Variants in BRIP1 observed in about 807,000 individuals in gnomAD.
BRIP1 encodes the protein BRCA1 interacting DNA helicase 1, also known as Fanconi anemia group J protein.
Under a neutral mutation model 119.7 loss-of-function variants are expected in BRIP1, and 88 were observed. The observed-to-expected ratio is 0.74, with a 90% confidence interval of 0.62 to 0.88. The LOEUF (loss-of-function observed/expected upper bound fraction) is 0.88. BRIP1 is among the 40% of genes least tolerant of loss of function. The probability of loss-of-function intolerance (pLI) is 0.00; values close to 1 mark genes in which losing one functional copy is unlikely to be tolerated. For synonymous variants in BRIP1, 443 were observed against 496.5 expected, an observed-to-expected ratio of 0.89 and a Z score of 1.43; for missense variants, 1,259 against 1,455.4, an observed-to-expected ratio of 0.87 and a Z score of 2.20.
rs1020441531 is a variant in BRIP1, at chr17:61,700,037, G to A, written c.2493-6525C>T. 1.3e-5 allele frequency among the ~76,000 whole-genome samples: 2 copies of A among 152,132 alleles called. No homozygotes were observed. The highest frequency in any genetic ancestry group is 4.8e-5 in the African/African-American group (2 of 41,438). On this transcript the variant is annotated intron_variant, in intron 17 of 19. Coordinates refer to ENST00000259008, the MANE Select transcript of BRIP1 (RefSeq NM_032043.3). This position sits in a 1 kb window ranked among gnomAD's most constrained non-coding sequence, Gnocchi z 4.1. ...ATGCACATGTTTTGTTCTCTTTGCT[G>A]ACTGTGCTTGGTGTCGTTTCACTGT... is the stretch of plus-strand genomic sequence containing the variant.
In BRIP1 at chr17:61,851,233, A is replaced by T. The variant is rs2078818047; in HGVS notation, c.380-1977T>A. Reference sequence around the variant, plus strand: ...ACAGAACGAGACTCCATCTCAAAAAAAGAAAAAAAAAGAAATGTTGCTTAA... The same window carrying T: ...ACAGAACGAGACTCCATCTCAAAAATAGAAAAAAAAAGAAATGTTGCTTAA... On this transcript the variant is annotated intron_variant, in intron 4 of 19. Transcript: ENST00000259008. This position sits in a 1 kb window ranked among gnomAD's most constrained non-coding sequence, Gnocchi z 4.6. 6.6e-6 allele frequency among the ~76,000 whole-genome samples: 1 copy of T among 152,184 alleles called. No homozygotes were observed. Among genetic ancestry groups the T allele is most frequent in the African/African-American group, 2.4e-5 (1 of 41,450 alleles).
rs1262969964 is a variant in BRIP1, at chr17:61,767,346, A to G, written c.2097+9055T>C. 6.6e-6 allele frequency among the ~76,000 whole-genome samples: 1 copy of G among 152,084 alleles called. No homozygotes were observed. Among genetic ancestry groups the G allele is most frequent in the East Asian group, 1.9e-4 (1 of 5,186 alleles). ...AGCTGGAGTGCAGTGGTGTGATCAC[A>G]GCTCACTGCAGCCTCAAACTTCTGG... On this transcript the variant is annotated intron_variant, in intron 14 of 19. Transcript: ENST00000259008. This position sits in a 1 kb window ranked among gnomAD's most constrained non-coding sequence, Gnocchi z 5.7.
rs1388477562 is a variant in BRIP1 at position 61,695,722 on chromosome 17, C to T, written c.2493-2210G>A. 6.6e-6 allele frequency among the ~76,000 whole-genome samples: 1 copy of T among 151,920 alleles called. No individual in the cohort carries two copies. Among genetic ancestry groups the T allele is most frequent in the African/African-American group, 2.4e-5 (1 of 41,384 alleles). On this transcript the variant is annotated intron_variant, in intron 17 of 19. Coordinates refer to ENST00000259008, the MANE Select transcript of BRIP1 (RefSeq NM_032043.3). The surrounding 1 kb of genome is among the most constrained non-coding windows in gnomAD (Gnocchi z 4.3). ...AGTTAAGTATATTTCTAAGTATTTT[C>T]TTCTTTCTGATGTTATTTTAAATGG...
intron 16 of BRIP1, among the ~76,000 whole-genome samples, chr17:61,721,670 A>G (rs1203945582): frequency 6.7e-6 from 1 of 149,510 alleles, no homozygotes; most frequent in Non-Finnish European, 1.5e-5. Context: ...TATAAAGGAC[A>G]TATAAAGGAC....
At position 61,738,667 on chromosome 17, in the gene BRIP1, T is replaced by C. The variant is rs1383415086; in HGVS notation, c.2379+4346A>G. 6.6e-6 allele frequency among the ~76,000 whole-genome samples: 1 copy of C among 152,128 alleles called. No individual in the cohort carries two copies. The highest frequency in any genetic ancestry group is 2.4e-5 in the African/African-American group (1 of 41,414). The stretch of plus-strand genomic sequence containing the variant: ...ATTGGTATAATAACAATGTTCAAAA[T>C]CATAGCTGTTGAGGCAAAGGTGGAG... On this transcript the variant is annotated intron_variant, in intron 16 of 19. Transcript: ENST00000259008. This position sits in a 1 kb window ranked among gnomAD's most constrained non-coding sequence, Gnocchi z 4.2.
At position 61,776,863 on chromosome 17, in the gene BRIP1, G is replaced by C. The variant is rs2077542978; in HGVS notation, c.1936-301C>G. The stretch of plus-strand genomic sequence containing the variant: ...TAAGCATGTAACAAATTTTTGTTAG[G>C]TGAATAAATGAACAAGTGAAATGAT... On this transcript the variant is annotated intron_variant, in intron 13 of 19. Transcript: ENST00000259008. The surrounding 1 kb of genome is among the most constrained non-coding windows in gnomAD (Gnocchi z 5.0). 6.6e-6 allele frequency among the ~76,000 whole-genome samples: 1 copy of C among 152,132 alleles called. No individual in the cohort carries two copies. The highest frequency in any genetic ancestry group is 6.5e-5 in the Admixed American group (1 of 15,268).
In BRIP1 at chr17:61,780,191, T is replaced by C. The variant is rs1603332813; in HGVS notation, c.1935+70A>G. ...ACTTGCTGGCACTTCAGGTATCTTCTAACTTGTTTACATAGTTATATTGAA... is the reference window on the plus strand; with the variant it reads ...ACTTGCTGGCACTTCAGGTATCTTCCAACTTGTTTACATAGTTATATTGAA... On this transcript the variant is annotated intron_variant, in intron 13 of 19. Transcript: ENST00000259008. This position sits in a 1 kb window ranked among gnomAD's most constrained non-coding sequence, Gnocchi z 5.4. 2.7e-6 allele frequency: 4 copies of C among 1,501,120 alleles called. No individual in the cohort carries two copies. In the East Asian group the frequency reaches 9.1e-5, roughly 34 times the overall value. The allele number at this position is 1,501,120 out of a possible 1,614,324, so 93.0% of individuals were successfully genotyped here.
chr17:61,751,941 G>A lies in BRIP1; in HGVS notation c.2098-7350C>T, dbSNP rs1482534384. ...ACACCACCACACCTGACTAATTTTTGTATTTTTAGTAGAGACGGGGTTTCA... is the reference window on the plus strand; with the variant it reads ...ACACCACCACACCTGACTAATTTTTATATTTTTAGTAGAGACGGGGTTTCA... On this transcript the variant is annotated intron_variant, in intron 14 of 19. Transcript: ENST00000259008. This position sits in a 1 kb window ranked among gnomAD's most constrained non-coding sequence, Gnocchi z 6.7. Among the ~76,000 whole-genome samples the A allele has an allele frequency of 6.6e-6, 1 of 151,998 alleles. No homozygotes were observed. The highest frequency in any genetic ancestry group is 1.5e-5 in the Non-Finnish European group (1 of 67,982).
In BRIP1 at chr17:61,776,286, T is replaced by A. The variant is rs1182357848; in HGVS notation, c.2097+115A>T. ...GTGATGTTTAGAAAACTATAGTTAT[T>A]ACCTTGTTGCCTCTACCCTAGGAAG... On this transcript the variant is annotated intron_variant, in intron 14 of 19. Transcript: ENST00000259008. The surrounding 1 kb of genome is among the most constrained non-coding windows in gnomAD (Gnocchi z 5.0). 1.5e-5 allele frequency: 17 copies of A among 1,121,932 alleles called. No homozygotes were observed. The highest frequency in any genetic ancestry group is 1.9e-5 in the Non-Finnish European group (14 of 751,792). The allele number at this position is 1,121,932 out of a possible 1,614,324, so 69.5% of individuals were successfully genotyped here.
intron 17 of BRIP1, among the ~76,000 whole-genome samples, chr17:61,702,779 T>C (rs2061633680): frequency 1.3e-5 from 2 of 152,218 alleles, no homozygotes; most frequent in Non-Finnish European, 2.9e-5. Flanking sequence ...CAGATACATA[T>C]GTCTTTATGG....
At chr17:61,826,731 T>TAAAAAAAAAA (rs58466965) in intron 6 of BRIP1, among the ~76,000 whole-genome samples, 5 of 75,318 alleles carry the variant, frequency 6.6e-5, no homozygotes, top group African/African-American at 1.9e-4. Flanking sequence ...TATTAAAAAG[T>TAAAAAAAAAA]AAAAAAAAAA....
In BRIP1 at chr17:61,756,540, T is replaced by A. The variant is rs6504068; in HGVS notation, c.2098-11949A>T. 0.79 allele frequency among the ~76,000 whole-genome samples: 120,143 copies of A among 152,036 alleles called. 48,136 individuals are homozygous for A. The highest frequency in any genetic ancestry group is 0.89 in the African/African-American group (37,013 of 41,502). ...TGTTAACCTCAGAGGCAATTTTTTT[T>A]AAAGTCAGATCTCACAAACTAAAAG... is the stretch of plus-strand genomic sequence containing the variant. On this transcript the variant is annotated intron_variant, in intron 14 of 19. Coordinates refer to ENST00000259008, the MANE Select transcript of BRIP1 (RefSeq NM_032043.3). This position sits in a 1 kb window ranked among gnomAD's most constrained non-coding sequence, Gnocchi z 4.3.
At chr17:61,836,760 T>C (rs2078580563) in intron 6 of BRIP1, among the ~76,000 whole-genome samples, 2 of 152,228 alleles carry the variant, frequency 1.3e-5, no homozygotes, top group South Asian at 4.1e-4. Context: ...AATGCTTAGA[T>C]TTGGTGTTGA....
intron 10 of BRIP1, among the ~76,000 whole-genome samples, chr17:61,784,715 G>C (rs1353247308): frequency 1.3e-5 from 2 of 152,124 alleles, no homozygotes; most frequent in South Asian, 2.1e-4. Flanking sequence ...GTTCCCACGA[G>C]AGCTGGTTGT....
rs1178641118 is a variant in BRIP1 at position 61,720,614 on chromosome 17, G to A, written c.2380-4551C>T. Among the ~76,000 whole-genome samples the A allele has an allele frequency of 6.6e-6, 1 of 152,004 alleles. No homozygotes were observed. The highest frequency in any genetic ancestry group is 1.5e-5 in the Non-Finnish European group (1 of 68,008). On this transcript the variant is annotated intron_variant, in intron 16 of 19. Coordinates refer to ENST00000259008, the MANE Select transcript of BRIP1 (RefSeq NM_032043.3). The surrounding 1 kb of genome is among the most constrained non-coding windows in gnomAD (Gnocchi z 4.3). ...ATGATGACATCTCATGCTATATCCT[G>A]CTCCATCCCACTCAGATGTGAATCA...
Position 61,832,790 on chromosome 17 carries a change from G to A in BRIP1, c.627+14311C>T, listed in dbSNP as rs1047019645. Among the ~76,000 whole-genome samples the A allele has an allele frequency of 2.0e-5, 3 of 152,082 alleles. No homozygotes were observed. Among genetic ancestry groups the A allele is most frequent in the Admixed American group, 6.6e-5 (1 of 15,254 alleles). On this transcript the variant is annotated intron_variant, in intron 6 of 19. Transcript: ENST00000259008. This position sits in a 1 kb window ranked among gnomAD's most constrained non-coding sequence, Gnocchi z 5.5. ...TAAGACAACTGCTAAAATTTAAACC[G>A]GTTCTGAGTATTAGATGGCAACAAT...
Position 61,776,279 on chromosome 17 carries a change from T to C in BRIP1, c.2097+122A>G. 3 of 1,029,154 alleles carry C rather than the reference T, an allele frequency of 2.9e-6. No individual in the cohort carries two copies. The highest frequency in any genetic ancestry group is 2.8e-5 in the South Asian group (2 of 71,502). 63.8% of individuals were successfully genotyped at this position (1,029,154 alleles called of 1,614,324 possible). A position where few individuals can be genotyped will look rare whatever the true frequency, so the allele number is the denominator to read the frequency against. On this transcript the variant is annotated intron_variant, in intron 14 of 19. Coordinates refer to ENST00000259008, the MANE Select transcript of BRIP1 (RefSeq NM_032043.3). The surrounding 1 kb of genome is among the most constrained non-coding windows in gnomAD (Gnocchi z 5.0). ...ATAATATGTGATGTTTAGAAAACTA[T>C]AGTTATTACCTTGTTGCCTCTACCC...
rs1567812479 is a variant in BRIP1, at chr17:61,780,316, A to C, written c.1880T>G (p.Leu627Arg). ...CAGCTGGATAGTAAATGTAACACCA[A>C]GTTCTGACGAAAAGGATTTCATTGG... is the stretch of plus-strand genomic sequence containing the variant. ...LSPMKSFSSE[L>R]GVTFTIQLEA... The change falls in exon 13 of 20, where the codon CTT (leucine) becomes CGT (arginine). Residue 627 changes from leucine to arginine, a missense_variant. Physicochemically the swap from Leu to Arg is moderately radical, Grantham distance 102. This residue lies in a region of BRIP1 where 753 missense variants were observed against 891.8 expected (regional missense o/e 0.84). Transcript: ENST00000259008. This position sits in a 1 kb window ranked among gnomAD's most constrained non-coding sequence, Gnocchi z 5.4. The C allele has an allele frequency of 6.2e-7, 1 of 1,612,134 alleles. No homozygotes were observed. The highest frequency in any genetic ancestry group is 8.5e-7 in the Non-Finnish European group (1 of 1,178,204).
At position 61,684,638 on chromosome 17, in the gene BRIP1, C is replaced by A. The variant is rs2061333607; in HGVS notation, c.2906-498G>T. The A allele has an allele frequency of 6.5e-6, 1 of 152,996 alleles. No homozygotes were observed. Among genetic ancestry groups the A allele is most frequent in the Non-Finnish European group, 1.5e-5 (1 of 68,766 alleles). The allele number at this position is 152,996 out of a possible 1,614,324, so 9.5% of individuals were successfully genotyped here. A position where few individuals can be genotyped will look rare whatever the true frequency, so the allele number is the denominator to read the frequency against. On this transcript the variant is annotated intron_variant, in intron 19 of 19. Transcript: ENST00000259008. This position sits in a 1 kb window ranked among gnomAD's most constrained non-coding sequence, Gnocchi z 4.5. Reference sequence around the variant, plus strand: ...TAGGTTTCCTGATTACCAAGTTAATCGGCTTGAATTCACTATTTATAGTGA... The same window carrying A: ...TAGGTTTCCTGATTACCAAGTTAATAGGCTTGAATTCACTATTTATAGTGA...
Sources: gnomAD v4.1 joint callset for allele counts (sites outside exome capture counted in the v4.1 genomes callset) on GRCh38, gnomAD v4.1.1 for gene constraint, gnomAD v4.1.1 regional missense constraint, Gnocchi (gnomAD v3.1) non-coding constraint, MANE v1.5 for transcripts, NCBI Gene and HGNC (gene_info 2026-07-23, HGNC 2026-07-21) for gene names.